CCNY: variants seen among roughly 807,000 people sequenced by gnomAD.
CCNY encodes the protein cyclin Y.
CCNY carries 19 observed loss-of-function variants against 42.8 expected under a neutral mutation model. The observed-to-expected ratio is 0.44, with a 90% CI of 0.31 to 0.65. The LOEUF is 0.65. CCNY is among the 30% of genes least tolerant of loss of function. The pLI, the probability that CCNY is intolerant of heterozygous loss-of-function variation, is 0.07. For missense variants in CCNY, 370 were observed against 437.3 expected (o/e 0.85, Z 1.37); for synonymous variants, 165 against 162.7 (o/e 1.01, Z -0.11).
chr10:35,421,522 C>T (rs1037080305), intron 1 of CCNY, among the ~76,000 whole-genome samples: 1 of 152,214 alleles, frequency 6.6e-6, no homozygotes, highest in African/African-American at 2.4e-5. Context: ...TTCTCACCTC[C>T]AATTTAAGAC....
At chr10:35,510,723 T>C (rs1018517340) in intron 3 of CCNY, among the ~76,000 whole-genome samples, 1 of 152,218 alleles carries the variant, frequency 6.6e-6, no homozygotes, top group Admixed American at 6.5e-5. Context: ...CTGAATTTTA[T>C]TGATGAAGAC....
chr10:35,483,641 G>A (rs1337850935), intron 2 of CCNY, among the ~76,000 whole-genome samples, 163 bp downstream of exon 2: 1 of 151,896 alleles, frequency 6.6e-6, no homozygotes, highest in African/African-American at 2.4e-5. Flanking sequence ...TTTTTCTTTT[G>A]CAGTGTTATG....
At chr10:35,400,243 T>C (rs1253755322) in intron 1 of CCNY, among the ~76,000 whole-genome samples, 3 of 151,204 alleles carry the variant, frequency 2.0e-5, no homozygotes, top group Non-Finnish European at 4.4e-5. Flanking sequence ...AAAGGCATTC[T>C]GTTTAGAATC....
chr10:35,400,614 C>T (rs532746993), intron 1 of CCNY, among the ~76,000 whole-genome samples: 30 of 152,234 alleles, frequency 2.0e-4, no homozygotes, highest in African/African-American at 7.2e-4. Flanking sequence ...TAGCTGTTTC[C>T]AGAGTTATCT....
intron 1 of CCNY, among the ~76,000 whole-genome samples, chr10:35,385,756 T>C (rs947671399): frequency 2.0e-5 from 3 of 152,240 alleles, no homozygotes; most frequent in Non-Finnish European, 2.9e-5. Flanking sequence ...CCGTCCAGTC[T>C]TGGGGTGCCT....
At chr10:35,504,380 C>T (rs1457915327) in intron 3 of CCNY, among the ~76,000 whole-genome samples, 1 of 152,074 alleles carries the variant, frequency 6.6e-6, no homozygotes, top group African/African-American at 2.4e-5. Flanking sequence ...GAGAATGGTC[C>T]CCCAGGCTGG....
At chr10:35,381,107 A>G (rs1589076804) in intron 1 of CCNY, among the ~76,000 whole-genome samples, 1 of 152,210 alleles carries the variant, frequency 6.6e-6, no homozygotes, top group East Asian at 1.9e-4. Flanking sequence ...GTCTGCCTGT[A>G]AAGTCTAAAT....
chr10:35,393,023 C>G (rs751807099), intron 1 of CCNY, among the ~76,000 whole-genome samples: 1 of 152,144 alleles, frequency 6.6e-6, no homozygotes, highest in Non-Finnish European at 1.5e-5. Context: ...CTTGCTGTCT[C>G]CTGTGAGTTA....
chr10:35,249,984 G>A (rs1368798187), intron 2 of CCNY, among the ~76,000 whole-genome samples: 1 of 152,046 alleles, frequency 6.6e-6, no homozygotes, highest in East Asian at 1.9e-4. Flanking sequence ...CACAAGGTCA[G>A]GAGATCGAGA....
In CCNY at chr10:35,522,353, A is replaced by G. The variant is rs971867671; in HGVS notation, c.366-3611A>G. 2.0e-5 allele frequency among the ~76,000 whole-genome samples: 3 copies of G among 152,196 alleles called. No individual in the cohort carries two copies. The South Asian group carries it at 6.2e-4, about 31-fold the overall frequency. ...AGATCCATCCACCTGCCTTTGCGAG[A>G]TGAGCACGCCTCCTGTTACAAATTA... On this transcript the variant is annotated intron_variant, in intron 4 of 9. Coordinates refer to ENST00000374704, the MANE Select transcript of CCNY (RefSeq NM_145012.6).
intron 7 of CCNY, among the ~76,000 whole-genome samples, chr10:35,533,160 C>A (rs767688800): frequency 6.6e-6 from 1 of 152,094 alleles, no homozygotes; most frequent in Non-Finnish European, 1.5e-5. Flanking sequence ...CGTTTAAGGC[C>A]GCACACCCTC....
Position 35,336,592 on chromosome 10 carries a change from C to G in CCNY, c.-462C>G, listed in dbSNP as rs2135111353. Among the ~76,000 whole-genome samples, 1 of 148,740 alleles carries G rather than the reference C, an allele frequency of 6.7e-6. No homozygotes were observed. Among genetic ancestry groups the G allele is most frequent in the Middle Eastern group, 3.4e-3 (1 of 290 alleles). On this transcript the variant is annotated 5_prime_UTR_variant, in exon 1 of 10. Transcript: ENST00000374704. ...GCTGCCCGCCCGCTCGTCGGCTAGT[C>G]CCGCCGTCCGGCGCGGACACGCGTG...
intron 1 of CCNY, among the ~76,000 whole-genome samples, chr10:35,345,816 G>A (rs1422357434): frequency 6.6e-6 from 1 of 152,214 alleles, no homozygotes; most frequent in Non-Finnish European, 1.5e-5. Flanking sequence ...CTTGCTGGCT[G>A]TAGAATTTGG....
chr10:35,257,836 C>T (rs2095716734), intron 3 of CCNY, among the ~76,000 whole-genome samples: 1 of 152,190 alleles, frequency 6.6e-6, no homozygotes, highest in South Asian at 2.1e-4. Context: ...TGGCTTTCCC[C>T]TTCTTCTTCT....
intron 3 of CCNY, among the ~76,000 whole-genome samples, chr10:35,311,180 C>T (rs1470690785): frequency 4.0e-5 from 6 of 151,876 alleles, no homozygotes; most frequent in Non-Finnish European, 5.9e-5. Context: ...TAGCTAGACA[C>T]GGTGGTGCAT....
intron 2 of CCNY, among the ~76,000 whole-genome samples, chr10:35,500,011 A>C (rs1015162750): frequency 6.6e-6 from 1 of 152,256 alleles, no homozygotes; most frequent in Admixed American, 6.5e-5. Context: ...TTGTTTTGCT[A>C]TGGTTTTCAT....
intron 1 of CCNY, among the ~76,000 whole-genome samples, chr10:35,456,791 G>T (rs180763601): frequency 6.6e-6 from 1 of 152,242 alleles, no homozygotes; most frequent in East Asian, 1.9e-4. Context: ...TATATATCAG[G>T]TCTGAAAGGA....
intron 1 of CCNY, among the ~76,000 whole-genome samples, chr10:35,446,874 G>A (rs1838801450): frequency 1.3e-5 from 2 of 152,190 alleles, no homozygotes; most frequent in Admixed American, 6.5e-5. Flanking sequence ...ATTGCATGTC[G>A]AGATAAGTTC....
At chr10:35,439,550 AGT>A (rs140918740) in intron 1 of CCNY, among the ~76,000 whole-genome samples, 30 of 142,692 alleles carry the variant, frequency 2.1e-4, no homozygotes, top group African/African-American at 3.6e-4. Context: ...TTTTGTTTCA[AGT>A]GTGTGTGTGT....
Sources: gnomAD v4.1 joint callset for allele counts (sites outside exome capture counted in the v4.1 genomes callset) on GRCh38, gnomAD v4.1.1 for gene constraint, MANE v1.5 for transcripts, NCBI Gene and HGNC (gene_info 2026-07-23, HGNC 2026-07-21) for gene names.